Variants in IL12B observed in about 807,000 individuals in gnomAD.
The protein encoded by IL12B is interleukin-12 subunit beta.
Under a neutral mutation model 39.2 loss-of-function variants are expected in IL12B, and 27 were observed. The ratio of observed to expected loss-of-function variants is 0.69; its 90% CI spans 0.51 to 0.95. The LOEUF (loss-of-function observed/expected upper bound fraction) is 0.95, where lower values mean the gene tolerates loss of function less well. Ranked by LOEUF, IL12B falls within the 40% of genes least tolerant of loss-of-function variation. The probability of loss-of-function intolerance (pLI) is 0.00; values close to 1 mark genes in which losing one functional copy is unlikely to be tolerated. For missense variants in IL12B, 351 were observed against 397.6 expected, an observed-to-expected ratio of 0.88 and a Z score of 1.00; for synonymous variants, 142 against 152.1, an observed-to-expected ratio of 0.93 and a Z score of 0.49.
At chr5:159,317,354 G>C (rs945137013) in intron 6 of IL12B, among the ~76,000 whole-genome samples, 1 of 152,154 alleles carries the variant, frequency 6.6e-6, no homozygotes, top group Non-Finnish European at 1.5e-5. Flanking sequence ...CAAACTCTTA[G>C]CAAGTCTTTA....
intron 2 of IL12B, among the ~76,000 whole-genome samples, chr5:159,323,976 C>A (rs1379583706): frequency 4.0e-5 from 6 of 151,336 alleles, no homozygotes; most frequent in African/African-American, 1.5e-4. Flanking sequence ...GTTATCGTTA[C>A]TTATAGACTG....
chr5:159,320,296 C>T lies in IL12B; in HGVS notation c.697+10G>A, dbSNP rs778595893. 6.2e-7 allele frequency: 1 copy of T among 1,611,610 alleles called. No homozygotes were observed. Among genetic ancestry groups the T allele is most frequent in the Admixed American group, 1.7e-5 (1 of 60,000 alleles). On this transcript the variant is annotated intron_variant, in intron 5 of 7. Coordinates refer to ENST00000231228, the MANE Select transcript of IL12B (RefSeq NM_002187.3). ...TCCTTATGGAGCACATATAATCATC[C>T]AAAACTCACTGATGTCCCTGATGAA... is the stretch of plus-strand genomic sequence containing the variant.
rs142490541 is a variant in IL12B at position 159,322,189 on chromosome 5, C to T, written c.482+205G>A. On this transcript the variant is annotated intron_variant, in intron 4 of 7. Transcript: ENST00000231228. ...ATTCTCAGTTCCCAATAATATCCTG[C>T]CCCAACACATACATTTATTCAAGCA... Among the ~76,000 whole-genome samples the T allele has an allele frequency of 2.2e-3, 330 of 152,224 alleles. 1 individual carries two copies. Among genetic ancestry groups the T allele is most frequent in the African/African-American group, 6.9e-3 (288 of 41,526 alleles).
In IL12B at chr5:159,320,394, C is replaced by T. The variant is rs776207541; in HGVS notation, c.609G>A (p.Glu203=). 1.2e-6 allele frequency: 2 copies of T among 1,614,190 alleles called. No homozygotes were observed. ...CCATGACCTCAATGGGCAGACTCTC[C>T]TCAGCAGCTGGGCAGGCACTGTCCT... ...CQEDSACPAA[E]ESLPIEVMVD... Residue 203 remains glutamate (E), a synonymous_variant, in exon 5 of 8, where the codon GAG becomes GAA. Coordinates refer to ENST00000231228, the MANE Select transcript of IL12B (RefSeq NM_002187.3).
chr5:159,326,655 G>C (rs760917333), intron 2 of IL12B, 40 bp downstream of exon 2: 2 of 1,420,372 alleles, frequency 1.4e-6, no homozygotes, highest in Non-Finnish European at 2.0e-6. Flanking sequence ...TCCTGGCTTA[G>C]AAGTGGGGCC....
chr5:159,328,241 T>C (rs564131806), intron 1 of IL12B, among the ~76,000 whole-genome samples: 30 of 152,320 alleles, frequency 2.0e-4, no homozygotes, highest in African/African-American at 7.2e-4. Flanking sequence ...CATGGAGTTT[T>C]AGGGGCATGG....
chr5:159,326,271 A>G (rs1209258509), intron 2 of IL12B, among the ~76,000 whole-genome samples: 1 of 152,222 alleles, frequency 6.6e-6, no homozygotes, highest in Non-Finnish European at 1.5e-5. Flanking sequence ...TGCTTCCTCC[A>G]AAGTGCTTGG....
intron 4 of IL12B, among the ~76,000 whole-genome samples, chr5:159,321,366 TACAC>T (rs745793598): frequency 0.011 from 969 of 86,046 alleles, 16 homozygotes; most frequent in East Asian, 0.05. Flanking sequence ...TATATATATA[TACAC>T]ACACACACAC....
Position 159,323,048 on chromosome 5 carries a change from A to G in IL12B, c.364+6T>C, listed in dbSNP as rs1754121424. On this transcript the variant is annotated splice_donor_region_variant and intron_variant, in intron 3 of 7. Coordinates refer to ENST00000231228, the MANE Select transcript of IL12B (RefSeq NM_002187.3). Reference sequence around the variant, plus strand: ...AAATTGATACTATCCAAGGGTATAGAATTACCTTTCTGGTCCTTTAAAATA... The same window carrying G: ...AAATTGATACTATCCAAGGGTATAGGATTACCTTTCTGGTCCTTTAAAATA... The G allele has an allele frequency of 6.2e-7, 1 of 1,613,628 alleles. No individual in the cohort carries two copies. The highest frequency in any genetic ancestry group is 1.1e-5 in the South Asian group (1 of 91,078).
At chr5:159,324,241 C>T (rs2569254) in intron 2 of IL12B, among the ~76,000 whole-genome samples, 22,844 of 152,166 alleles carry the variant, frequency 0.15, 1,951 homozygotes, top group Non-Finnish European at 0.18. Flanking sequence ...ACAAGGGCTA[C>T]AGCTCAGACC....
At chr5:159,320,566 G>C in intron 4 of IL12B, 46 bp from the exon 5 acceptor site, 3 of 1,496,824 alleles carry the variant, frequency 2.0e-6, no homozygotes, top group Non-Finnish European at 2.8e-6. Context: ...ATTGGGGAGA[G>C]AGTTCCTAGT....
chr5:159,323,355 C>T, intron 2 of IL12B, 26 bp from the exon 3 acceptor site: 1 of 1,611,008 alleles, frequency 6.2e-7, no homozygotes, highest in Non-Finnish European at 8.5e-7. Context: ...AGTGGAGAAC[C>T]AGGCTGTAAG....
rs372972935 is a variant in IL12B, at chr5:159,326,785, A to G, written c.1-3T>C. ...ATGACCAACTGCTGGTGACACATCTATAAGAAGGGAGAGAAGCAGGGGGAA... is the reference window on the plus strand; with the variant it reads ...ATGACCAACTGCTGGTGACACATCTGTAAGAAGGGAGAGAAGCAGGGGGAA... On this transcript the variant is annotated splice_polypyrimidine_tract_variant and splice_region_variant and intron_variant, in intron 1 of 7. Coordinates refer to ENST00000231228, the MANE Select transcript of IL12B (RefSeq NM_002187.3). 20 of 1,586,884 alleles carry G rather than the reference A, an allele frequency of 1.3e-5. No individual in the cohort carries two copies. Among genetic ancestry groups the G allele is most frequent in the African/African-American group, 4.0e-5 (3 of 74,404 alleles).
At chr5:159,316,415 TAC>T (rs1445493810) in intron 7 of IL12B, among the ~76,000 whole-genome samples, 1 of 152,260 alleles carries the variant, frequency 6.6e-6, no homozygotes, top group Non-Finnish European at 1.5e-5. Context: ...GCCTCCTGGC[TAC>T]CTCTCTCTTT....
chr5:159,317,962 CT>C (rs1173935754), intron 6 of IL12B: 9 of 152,362 alleles, frequency 5.9e-5, no homozygotes, highest in African/African-American at 2.2e-4. Context: ...CATTTCCTAG[CT>C]GGGTGACCTT....
chr5:159,326,323 CAT>C (rs1754188059), intron 2 of IL12B, among the ~76,000 whole-genome samples: 1 of 152,192 alleles, frequency 6.6e-6, no homozygotes, highest in Non-Finnish European at 1.5e-5. Context: ...GGGGCAGTAT[CAT>C]GTGGTGGAAT....
intron 6 of IL12B, among the ~76,000 whole-genome samples, chr5:159,318,460 A>G (rs1754024082): frequency 1.3e-5 from 2 of 152,246 alleles, no homozygotes; most frequent in African/African-American, 4.8e-5. Context: ...TACAGTATTC[A>G]GTACAGGAAC....
intron 1 of IL12B, among the ~76,000 whole-genome samples, 169 bp downstream of exon 1, chr5:159,330,263 A>T (rs538393650): frequency 6.6e-6 from 1 of 152,324 alleles, no homozygotes; most frequent in Admixed American, 6.5e-5. Flanking sequence ...CGGTCCCTAG[A>T]GTACTAAGTT....
intron 1 of IL12B, among the ~76,000 whole-genome samples, 178 bp from the exon 2 acceptor site, chr5:159,326,960 C>A (rs1006392929): frequency 1.3e-5 from 2 of 152,006 alleles, no homozygotes; most frequent in African/African-American, 4.8e-5. Context: ...TACTGTCAAG[C>A]AAATACTAAG....
Sources: gnomAD v4.1 joint callset for allele counts (sites outside exome capture counted in the v4.1 genomes callset) on GRCh38, gnomAD v4.1.1 for gene constraint, MANE v1.5 for transcripts, NCBI Gene and HGNC (gene_info 2026-07-23, HGNC 2026-07-21) for gene names.